Variants in SH3KBP1 observed in about 807,000 individuals in gnomAD.
SH3KBP1 encodes the protein SH3 domain containing kinase binding protein 1, also known as SH3 domain-containing kinase-binding protein 1.
In SH3KBP1, 8 loss-of-function variants were observed where a neutral mutation model predicts 50.1. The observed-to-expected ratio is 0.16, with a 90% confidence interval of 0.09 to 0.29. The LOEUF is 0.29. SH3KBP1 is among the 10% of genes least tolerant of loss of function. SH3KBP1 has a pLI of 1.00. For synonymous variants in SH3KBP1, 227 were observed against 218.6 expected, an observed-to-expected ratio of 1.04 and a Z score of -0.34; for missense variants, 377 against 535.2, an observed-to-expected ratio of 0.70 and a Z score of 2.92.
At chrX:19,620,963 T>C (rs909235046) in intron 8 of SH3KBP1, among the ~76,000 whole-genome samples, 1 of 110,137 alleles carries the variant, frequency 9.1e-6, no homozygotes, top group Non-Finnish European at 1.9e-5. Context: ...GTTTTACATG[T>C]AGATCTATGG....
chrX:19,595,590 G>GTT (rs397943096), intron 9 of SH3KBP1, among the ~76,000 whole-genome samples: 12 of 92,775 alleles, frequency 1.3e-4, no homozygotes, highest in East Asian at 3.3e-4. Flanking sequence ...TTTTTGGTTT[G>GTT]TTTTTTTTTT....
intron 6 of SH3KBP1, among the ~76,000 whole-genome samples, chrX:19,659,299 G>A (rs1179506408): frequency 9.1e-6 from 1 of 109,669 alleles, no homozygotes; most frequent in Non-Finnish European, 1.9e-5. Flanking sequence ...ATTTTTAGTA[G>A]AGACAGGGTT....
intron 5 of SH3KBP1, among the ~76,000 whole-genome samples, chrX:19,685,254 A>G (rs1406252355): frequency 8.9e-6 from 1 of 112,506 alleles, no homozygotes; most frequent in Non-Finnish European, 1.9e-5. Flanking sequence ...CTCACATAAA[A>G]TCTCATAAAA....
chrX:19,575,362 AGT>A (rs1375618704), intron 12 of SH3KBP1, among the ~76,000 whole-genome samples: 1 of 111,243 alleles, frequency 9.0e-6, no homozygotes, highest in Non-Finnish European at 1.9e-5. Flanking sequence ...GACTCAGGAG[AGT>A]GTTTTACATC....
intron 10 of SH3KBP1, among the ~76,000 whole-genome samples, chrX:19,594,201 C>G (rs1038781148): frequency 8.0e-5 from 9 of 112,117 alleles, no homozygotes; most frequent in African/African-American, 2.9e-4. Context: ...TAAAATGCTA[C>G]TTAACTAATA....
chrX:19,582,267 G>A (rs941862928), intron 12 of SH3KBP1, among the ~76,000 whole-genome samples: 1 of 111,929 alleles, frequency 8.9e-6, no homozygotes, highest in Admixed American at 9.5e-5. Context: ...AGAGCCAGCA[G>A]GCTCACACCA....
At position 19,671,672 on chromosome X, in the gene SH3KBP1, A is replaced by G. The variant is rs530509450; in HGVS notation, c.726+12151T>C. ...AGTTGAGCTACTTCCTGGCTTTGTG[A>G]TCCTGAACAACTTATTCAACCTTTG... On this transcript the variant is annotated intron_variant, in intron 6 of 17. Coordinates refer to ENST00000397821, the MANE Select transcript of SH3KBP1 (RefSeq NM_031892.3). Among the ~76,000 whole-genome samples, 16 of 112,233 alleles carry G rather than the reference A, an allele frequency of 1.4e-4. No homozygotes were observed. In the South Asian group the frequency reaches 5.9e-3, roughly 41 times the overall value.
chrX:19,768,043 C>T (rs750899535), intron 2 of SH3KBP1, among the ~76,000 whole-genome samples: 1 of 111,167 alleles, frequency 9.0e-6, no homozygotes, highest in South Asian at 3.8e-4. Context: ...ACCAAGGCAC[C>T]ACATGGGTAT....
intron 2 of SH3KBP1, among the ~76,000 whole-genome samples, chrX:19,801,165 A>C (rs1412896659): frequency 8.9e-6 from 1 of 111,939 alleles, no homozygotes; most frequent in Non-Finnish European, 1.9e-5. Flanking sequence ...CTCCTCCTAC[A>C]TACGGGCTGT....
intron 12 of SH3KBP1, among the ~76,000 whole-genome samples, chrX:19,572,201 G>A (rs2066032223): frequency 9.4e-6 from 1 of 106,268 alleles, no homozygotes; most frequent in Non-Finnish European, 1.9e-5. Context: ...ACATATATAT[G>A]TTATATATAG....
chrX:19,542,282 A>C, intron 15 of SH3KBP1, 89 bp from the exon 16 acceptor site: 1 of 878,202 alleles, frequency 1.1e-6, no homozygotes, highest in Non-Finnish European at 1.5e-6. Flanking sequence ...CGTTAACACC[A>C]CTGTCCCCGC....
chrX:19,872,467 T>G (rs2069076110), intron 1 of SH3KBP1, among the ~76,000 whole-genome samples: 1 of 108,975 alleles, frequency 9.2e-6, no homozygotes, highest in Admixed American at 9.8e-5. Flanking sequence ...CCACATGCAG[T>G]TGCTTTTAGA....
At chrX:19,851,079 C>T (rs2068495854) in intron 1 of SH3KBP1, among the ~76,000 whole-genome samples, 1 of 111,309 alleles carries the variant, frequency 9.0e-6, no homozygotes, top group Non-Finnish European at 1.9e-5. Flanking sequence ...AAGATGATCT[C>T]CCAGGTGACT....
At chrX:19,536,519 C>A in intron 17 of SH3KBP1, 61 bp from the exon 18 acceptor site, 1 of 761,539 alleles carries the variant, frequency 1.3e-6, no homozygotes, top group Non-Finnish European at 1.9e-6. Context: ...TTTATAGAAG[C>A]TGAAAGATTA....
At chrX:19,607,630 C>T (rs2067279274) in intron 9 of SH3KBP1, among the ~76,000 whole-genome samples, 1 of 111,816 alleles carries the variant, frequency 8.9e-6, no homozygotes, top group African/African-American at 3.3e-5. Flanking sequence ...GTCCACTTAC[C>T]AAAAAGAGCA....
In SH3KBP1 at chrX:19,537,011, C is replaced by T. The variant is rs763333272; in HGVS notation, c.1957-553G>A. Among the ~76,000 whole-genome samples the T allele has an allele frequency of 3.7e-4, 41 of 112,087 alleles. 1 individual carries two copies. The highest frequency in any genetic ancestry group is 1.0e-3 in the Admixed American group (11 of 10,574). ...GAGGCTACAGGGGACAGAGCTCTAA[C>T]GCCCTGGCAGGACAGAAATGGCCAT... On this transcript the variant is annotated intron_variant, in intron 17 of 17. Transcript: ENST00000397821.
rs775535849 is a variant in SH3KBP1 at position 19,537,613 on chromosome X, T to C, written c.1956+104A>G. ...GATGGTCACAGGAAATGTATCCAGA[T>C]CTGCAGAGAGGTGACAATCATTTAT... On this transcript the variant is annotated intron_variant, in intron 17 of 17. Transcript: ENST00000397821. 1.1e-4 allele frequency: 75 copies of C among 652,628 alleles called. 1 individual carries two copies. In the East Asian group the frequency reaches 2.0e-3, roughly 17 times the overall value. 53.8% of individuals were successfully genotyped at this position (652,628 alleles called of 1,213,427 possible).
chrX:19,875,580 T>A (rs969082530), intron 1 of SH3KBP1, among the ~76,000 whole-genome samples: 4 of 112,413 alleles, frequency 3.6e-5, no homozygotes, highest in African/African-American at 1.3e-4. Flanking sequence ...ATTTGGGTCC[T>A]CCATGCGCCC....
chrX:19,696,300 G>A (rs1345473896), intron 4 of SH3KBP1, among the ~76,000 whole-genome samples: 2 of 111,798 alleles, frequency 1.8e-5, no homozygotes, highest in Admixed American at 9.5e-5. Flanking sequence ...AATCTTATGC[G>A]TTTTATTTTA....
Sources: gnomAD v4.1 joint callset for allele counts (sites outside exome capture counted in the v4.1 genomes callset) on GRCh38, gnomAD v4.1.1 for gene constraint, MANE v1.5 for transcripts, NCBI Gene and HGNC (gene_info 2026-07-23, HGNC 2026-07-21) for gene names.